The following C1orf21 variants were observed in gnomAD, a reference collection of about 807,000 sequenced individuals.
C1orf21 encodes the protein chromosome 1 open reading frame 21.
Under a neutral mutation model 18.7 loss-of-function variants are expected in C1orf21, and 3 were observed. The ratio of observed to expected loss-of-function variants is 0.16; its 90% CI spans 0.07 to 0.42. C1orf21 has a LOEUF of 0.42. C1orf21 is among the 10% of genes least tolerant of loss of function. The pLI, the probability that C1orf21 is intolerant of heterozygous loss-of-function variation, is 0.99. For missense variants in C1orf21, 104 were observed against 143.6 expected (o/e 0.72, Z 1.41); for synonymous variants, 41 against 46.4 (o/e 0.88, Z 0.47).
Position 184,621,150 on chromosome 1 carries a change from C to T in C1orf21, c.*1594C>T, listed in dbSNP as rs1250949668. On this transcript the variant is annotated 3_prime_UTR_variant, in exon 6 of 6. Transcript: ENST00000235307. ...CCTCGATTTTAAAATCTATCCACAT[C>T]CAACTGATGGCACCATTGATGTGCA... The T allele has an allele frequency of 6.6e-6, 1 of 152,396 alleles. No individual in the cohort carries two copies. The highest frequency in any genetic ancestry group is 1.5e-5 in the Non-Finnish European group (1 of 68,052). The allele number at this position is 152,396 out of a possible 1,614,324, so 9.4% of individuals were successfully genotyped here. A position where few individuals can be genotyped will look rare whatever the true frequency, so the allele number is the denominator to read the frequency against.
chr1:184,412,076 T>C (rs1656364436), intron 1 of C1orf21: 3 of 152,246 alleles, frequency 2.0e-5, no homozygotes, highest in Admixed American at 2.0e-4. Context: ...ATTGGGGGGT[T>C]TTATATTTCT....
Position 184,619,720 on chromosome 1 carries a change from T to C in C1orf21, c.*164T>C. On this transcript the variant is annotated 3_prime_UTR_variant, in exon 6 of 6. Transcript: ENST00000235307. ...AAATTACAGTGTTTCTTAATGAACT[T>C]GCAAAGGAATATTGCTAAAAACAAA... 1 of 534,502 alleles carries C rather than the reference T, an allele frequency of 1.9e-6. No individual in the cohort carries two copies. Among genetic ancestry groups the C allele is most frequent in the Non-Finnish European group, 3.2e-6 (1 of 315,688 alleles). The allele number at this position is 534,502 out of a possible 1,614,324, so 33.1% of individuals were successfully genotyped here. A position where few individuals can be genotyped will look rare whatever the true frequency, so the allele number is the denominator to read the frequency against.
chr1:184,481,238 C>T (rs1049669616), intron 2 of C1orf21, among the ~76,000 whole-genome samples: 1 of 152,192 alleles, frequency 6.6e-6, no homozygotes, highest in Admixed American at 6.5e-5. Context: ...CTCTCAGTCG[C>T]ATTCCACAGT....
At chr1:184,502,082 A>C (rs1330591031) in intron 2 of C1orf21, among the ~76,000 whole-genome samples, 1 of 152,236 alleles carries the variant, frequency 6.6e-6, no homozygotes, top group East Asian at 1.9e-4. Context: ...TTTATTAGTG[A>C]GGCTGCACTG....
intron 2 of C1orf21, among the ~76,000 whole-genome samples, chr1:184,501,543 T>A (rs751405116): frequency 3.3e-5 from 5 of 152,194 alleles, no homozygotes; most frequent in Non-Finnish European, 5.9e-5. Context: ...TACACACTAC[T>A]TTCTTATTTT....
intron 1 of C1orf21, among the ~76,000 whole-genome samples, chr1:184,417,886 A>G (rs1656480030): frequency 6.6e-6 from 1 of 152,200 alleles, no homozygotes; most frequent in Non-Finnish European, 1.5e-5. Flanking sequence ...CAGGTCTGAC[A>G]GGGGATGGGG....
At chr1:184,511,303 A>T (rs1658140367) in intron 3 of C1orf21, among the ~76,000 whole-genome samples, 1 of 152,220 alleles carries the variant, frequency 6.6e-6, no homozygotes, top group Non-Finnish European at 1.5e-5. Flanking sequence ...CAGTCAGATT[A>T]TCTGGGAGAC....
Position 184,410,617 on chromosome 1 carries a change from T to TTATA in C1orf21, c.-125+23293_-125+23296dup, listed in dbSNP as rs1162356586. On this transcript the variant is annotated intron_variant, in intron 1 of 5. Coordinates refer to ENST00000235307, the MANE Select transcript of C1orf21 (RefSeq NM_030806.4). Reference sequence around the variant, plus strand: ...GTGAAAGATTAATTTGCCATATATATTATATATATATATATATATATATAT... The same window carrying TTATA: ...GTGAAAGATTAATTTGCCATATATATTATATATATATATATATATATATATATAT... 4.9e-3 allele frequency among the ~76,000 whole-genome samples: 104 copies of TTATA among 21,114 alleles called. 1 individual carries two copies. The highest frequency in any genetic ancestry group is 5.7e-3 in the Non-Finnish European group (83 of 14,524). 13.9% of individuals were successfully genotyped at this position (21,114 alleles called of 152,430 possible).
intron 3 of C1orf21, among the ~76,000 whole-genome samples, chr1:184,546,741 G>A (rs1488035588): frequency 2.6e-5 from 4 of 152,128 alleles, no homozygotes; most frequent in Non-Finnish European, 5.9e-5. Flanking sequence ...AAAACAAAAG[G>A]CAACCTCCAG....
chr1:184,496,805 T>G (rs1434293909), intron 2 of C1orf21, among the ~76,000 whole-genome samples: 1 of 152,204 alleles, frequency 6.6e-6, no homozygotes, highest in Non-Finnish European at 1.5e-5. Context: ...CCTTTCATAC[T>G]TTGCTATAGG....
chr1:184,447,515 A>G (rs1253638928), intron 1 of C1orf21, among the ~76,000 whole-genome samples: 1 of 151,902 alleles, frequency 6.6e-6, no homozygotes, highest in Non-Finnish European at 1.5e-5. Context: ...CCACCTAACA[A>G]CTCAAAGATA....
intron 2 of C1orf21, among the ~76,000 whole-genome samples, chr1:184,498,516 C>T (rs904085684): frequency 1.3e-5 from 2 of 152,038 alleles, no homozygotes; most frequent in East Asian, 1.9e-4. Flanking sequence ...AATCCATAAC[C>T]GTCAGTCTCG....
At chr1:184,435,993 A>G (rs777441370) in intron 1 of C1orf21, among the ~76,000 whole-genome samples, 4 of 152,196 alleles carry the variant, frequency 2.6e-5, no homozygotes, top group Non-Finnish European at 5.9e-5. Flanking sequence ...GTGGGGTCAG[A>G]AAGTCAAACT....
At chr1:184,485,126 A>C (rs1191237119) in intron 2 of C1orf21, among the ~76,000 whole-genome samples, 1 of 152,228 alleles carries the variant, frequency 6.6e-6, no homozygotes, top group African/African-American at 2.4e-5. Context: ...GTTTGTGGAC[A>C]GTAACAGAGA....
intron 2 of C1orf21, among the ~76,000 whole-genome samples, chr1:184,500,002 A>G (rs1657949997): frequency 6.6e-6 from 1 of 152,220 alleles, no homozygotes; most frequent in African/African-American, 2.4e-5. Context: ...TAGGAGAGTC[A>G]GAGAAGGACT....
chr1:184,465,059 C>A (rs965653037), intron 1 of C1orf21, among the ~76,000 whole-genome samples: 2 of 152,188 alleles, frequency 1.3e-5, no homozygotes, highest in Non-Finnish European at 2.9e-5. Flanking sequence ...GAGTGAGCCA[C>A]CATGCCCAGC....
intron 3 of C1orf21, among the ~76,000 whole-genome samples, chr1:184,537,872 C>T (rs771502074): frequency 3.3e-5 from 5 of 152,120 alleles, no homozygotes; most frequent in Non-Finnish European, 5.9e-5. Context: ...TGGTCTCGAA[C>T]TCCTGACCTC....
chr1:184,416,184 T>C (rs1206996329), intron 1 of C1orf21, among the ~76,000 whole-genome samples: 4 of 152,162 alleles, frequency 2.6e-5, no homozygotes, highest in Non-Finnish European at 5.9e-5. Context: ...CCATAAATGT[T>C]TTTTTTGGAT....
At chr1:184,444,478 G>C (rs890044105) in intron 1 of C1orf21, among the ~76,000 whole-genome samples, 2 of 152,022 alleles carry the variant, frequency 1.3e-5, no homozygotes, top group South Asian at 2.1e-4. Flanking sequence ...TAAGAAGTGC[G>C]TTTCACCTCC....
Sources: allele counts gnomAD v4.1 joint callset (sites outside exome capture counted in the v4.1 genomes callset), GRCh38; gene constraint gnomAD v4.1.1; transcripts MANE v1.5; gene names NCBI Gene and HGNC (gene_info 2026-07-23, HGNC 2026-07-21).